TAF1: variants seen among roughly 807,000 people sequenced by gnomAD.
The protein encoded by TAF1 is TATA-box binding protein associated factor 1, also known as transcription initiation factor TFIID subunit 1.
In TAF1, 2 loss-of-function variants were observed where a neutral mutation model predicts 138.5. The ratio of observed to expected loss-of-function variants is 0.01; its 90% CI spans 0.01 to 0.05. TAF1 has a LOEUF of 0.05. Among genes scored for constraint, TAF1 ranks in the 10% least tolerant of loss-of-function variants. The pLI, the probability that TAF1 is intolerant of heterozygous loss-of-function variation, is 1.00. For missense variants in TAF1, 709 were observed against 1,478.0 expected (o/e 0.48, Z 8.53); for synonymous variants, 437 against 503.2 (o/e 0.87, Z 1.76).
chrX:71,378,020 G>A (rs998249077), intron 6 of TAF1, 199 bp downstream of exon 6: 4 of 602,042 alleles, frequency 6.6e-6, no homozygotes, highest in Non-Finnish European at 1.0e-5. Flanking sequence ...TGGGGTAGGC[G>A]GGGATGAGAG....
chrX:71,404,696 CT>C lies in TAF1; in HGVS notation c.3999-1935del, dbSNP rs931887196. ...GATACCTCCAATTTAGTTTATAGAT[CT>C]TTTTTTCTCATCTTCCCTTATTTCA... On this transcript the variant is annotated intron_variant, in intron 25 of 37. Transcript: ENST00000423759. Among the ~76,000 whole-genome samples, 68 of 111,291 alleles carry C rather than the reference CT, an allele frequency of 6.1e-4. 1 individual carries two copies. The highest frequency in any genetic ancestry group is 9.3e-3 in the Middle Eastern group (2 of 216).
In TAF1 at chrX:71,459,724, T is replaced by G. The variant is rs1333044454; in HGVS notation, c.5221+16T>G. 8.3e-7 allele frequency: 1 copy of G among 1,209,268 alleles called. No individual in the cohort carries two copies. The highest frequency in any genetic ancestry group is 1.1e-6 in the Non-Finnish European group (1 of 894,193). On this transcript the variant is annotated intron_variant, in intron 36 of 37. Transcript: ENST00000423759. The stretch of plus-strand genomic sequence containing the variant: ...CCTTTCTCTGGTAGGCCTCAACCAT[T>G]GCTTCTATTCCTTTATAACTCACTA...
intron 32 of TAF1, among the ~76,000 whole-genome samples, chrX:71,439,196 C>CT (rs1346092469): frequency 1.8e-5 from 2 of 111,649 alleles, no homozygotes; most frequent in Non-Finnish European, 1.9e-5. Flanking sequence ...CTTATTCCAA[C>CT]TTTCTCCCTC....
At chrX:71,403,720 T>G (rs995433760) in intron 25 of TAF1, among the ~76,000 whole-genome samples, 1 of 111,262 alleles carries the variant, frequency 9.0e-6, no homozygotes, top group Non-Finnish European at 1.9e-5. Context: ...ATTCTAGCAT[T>G]TCTTCAACAT....
At chrX:71,373,910 A>G (rs1366067272) in intron 3 of TAF1, among the ~76,000 whole-genome samples, 3 of 110,288 alleles carry the variant, frequency 2.7e-5, no homozygotes, top group African/African-American at 9.9e-5. Flanking sequence ...ATGAAAGACC[A>G]GTCTTAAGGG....
chrX:71,445,182 C>T (rs2037630203), intron 32 of TAF1, among the ~76,000 whole-genome samples: 1 of 108,682 alleles, frequency 9.2e-6, no homozygotes, highest in Non-Finnish European at 1.9e-5. Flanking sequence ...CATTTGTAAT[C>T]CTAGCTACTC....
chrX:71,420,128 G>T, intron 28 of TAF1: 1 of 480,981 alleles, frequency 2.1e-6, no homozygotes. Context: ...CTCTGTAGAC[G>T]TGACCCCGGG....
chrX:71,369,967 G>A (rs1435625413), intron 3 of TAF1, among the ~76,000 whole-genome samples: 2 of 109,344 alleles, frequency 1.8e-5, no homozygotes, highest in African/African-American at 6.6e-5. Context: ...GCTCAGGCCT[G>A]TAAACCCAGC....
intron 1 of TAF1, among the ~76,000 whole-genome samples, chrX:71,367,262 T>C (rs2032614725): frequency 9.2e-6 from 1 of 108,625 alleles, no homozygotes; most frequent in Non-Finnish European, 1.9e-5. Context: ...TCTTCTCTTG[T>C]AGTATACTTT....
rs1430462520 is a variant in TAF1 at position 71,454,870 on chromosome X, A to G, written c.4938+13A>G. On this transcript the variant is annotated intron_variant, in intron 34 of 37. Coordinates refer to ENST00000423759, the MANE Select transcript of TAF1 (RefSeq NM_004606.5). ...CTACACGCCTCAGGTGAGTCTGAGG[A>G]CTAAGTACTTCCTCATATAGTTTTC... 3.3e-6 allele frequency: 4 copies of G among 1,200,818 alleles called. No individual in the cohort carries two copies. The highest frequency in any genetic ancestry group is 4.5e-6 in the Non-Finnish European group (4 of 887,790).
At position 71,483,487 on chromosome X, in the gene TAF1, G is replaced by A. The variant is rs749721086; in HGVS notation, c.1366+22684G>A. Among the ~76,000 whole-genome samples the A allele has an allele frequency of 9.5e-5, 10 of 105,757 alleles. No individual in the cohort carries two copies. The East Asian group carries it at 2.9e-3, about 31-fold the overall frequency. The allele number at this position is 105,757 out of a possible 115,157, so 91.8% of individuals were successfully genotyped here. A position where few individuals can be genotyped will look rare whatever the true frequency, so the allele number is the denominator to read the frequency against. On this transcript the variant is annotated intron_variant and NMD_transcript_variant, in intron 13 of 14. Transcript: ENST00000373775. ...TGGTGGTCCCAGCTACTCAGGAGGCGGAGGTGGGAGGATCCCCTGAGAGCA... is the reference window on the plus strand; with the variant it reads ...TGGTGGTCCCAGCTACTCAGGAGGCAGAGGTGGGAGGATCCCCTGAGAGCA...
chrX:71,448,366 T>A (rs1016286370), intron 32 of TAF1, among the ~76,000 whole-genome samples: 19 of 112,208 alleles, frequency 1.7e-4, no homozygotes, highest in African/African-American at 5.8e-4. Flanking sequence ...TGTAGAACGA[T>A]ATTTTTAGAT....
At chrX:71,434,830 C>T (rs1444658329) in intron 32 of TAF1, among the ~76,000 whole-genome samples, 3 of 112,361 alleles carry the variant, frequency 2.7e-5, no homozygotes, top group Non-Finnish European at 5.6e-5. Flanking sequence ...CCAAAAGGAC[C>T]GCAACAGTTA....
At chrX:71,424,390 A>G in intron 32 of TAF1, 152 bp downstream of exon 32, 1 of 308,264 alleles carries the variant, frequency 3.2e-6, no homozygotes, top group Non-Finnish European at 5.4e-6. Context: ...TCACTGAACC[A>G]GGCACACGCC....
At chrX:71,440,752 GTTC>G (rs952033570) in intron 32 of TAF1, among the ~76,000 whole-genome samples, 6 of 110,522 alleles carry the variant, frequency 5.4e-5, no homozygotes, top group Non-Finnish European at 1.1e-4. Context: ...AATTTTAGCT[GTTC>G]TTCTATTGTG....
At position 71,464,573 on chromosome X, in the gene TAF1, C is replaced by T. The variant is rs922089500; in HGVS notation, c.*527C>T. The T allele has an allele frequency of 2.7e-5, 6 of 220,202 alleles. No homozygotes were observed. Among genetic ancestry groups the T allele is most frequent in the Admixed American group, 1.4e-4 (2 of 14,573 alleles). The allele number at this position is 220,202 out of a possible 1,213,427, so 18.1% of individuals were successfully genotyped here. On this transcript the variant is annotated 3_prime_UTR_variant, in exon 38 of 38. Coordinates refer to ENST00000423759, the MANE Select transcript of TAF1 (RefSeq NM_004606.5). The stretch of plus-strand genomic sequence containing the variant: ...TACAAAAATTAGCCAGGTGTGGTGG[C>T]GTATGCCTGTTAATCCTAGCTACTC...
intron 13 of TAF1, among the ~76,000 whole-genome samples, chrX:71,480,237 A>T (rs2039047843): frequency 9.1e-6 from 1 of 109,963 alleles, no homozygotes. Context: ...AACAAAACCA[A>T]AAACAAAACT....
intron 25 of TAF1, among the ~76,000 whole-genome samples, chrX:71,402,083 A>G (rs1254536277): frequency 9.0e-6 from 1 of 111,458 alleles, no homozygotes; most frequent in East Asian, 2.8e-4. Context: ...TTCTTGTTCT[A>G]CTTCTAGACA....
intron 32 of TAF1, among the ~76,000 whole-genome samples, chrX:71,435,860 A>G (rs924713278): frequency 9.1e-6 from 1 of 110,248 alleles, no homozygotes; most frequent in Non-Finnish European, 1.9e-5. Flanking sequence ...AAGATAGCAA[A>G]CCATATTTTC....
Sources: allele counts gnomAD v4.1 joint callset (sites outside exome capture counted in the v4.1 genomes callset), GRCh38; gene constraint gnomAD v4.1.1; transcripts MANE v1.5; gene names NCBI Gene and HGNC (gene_info 2026-07-23, HGNC 2026-07-21).